Variants in TLL1 observed in about 807,000 individuals in gnomAD.
TLL1 encodes the protein tolloid-like protein 1.
In TLL1, 49 loss-of-function variants were observed where a neutral mutation model predicts 128.2. That is an observed-to-expected ratio of 0.38 (90% CI 0.30 to 0.48). The LOEUF (loss-of-function observed/expected upper bound fraction) is 0.48. TLL1 is among the 20% of genes least tolerant of loss of function. The pLI is 0.96. For missense variants in TLL1, 1,123 were observed against 1,242.0 expected (o/e 0.90, Z 1.44); for synonymous variants, 454 against 418.8 (o/e 1.08, Z -1.03).
intron 14 of TLL1, among the ~76,000 whole-genome samples, chr4:166,058,489 G>A (rs938849974): frequency 7.2e-5 from 11 of 152,074 alleles, no homozygotes; most frequent in South Asian, 4.2e-4. Context: ...TCTGCATTTC[G>A]TCTTTATGTT....
intron 16 of TLL1, among the ~76,000 whole-genome samples, chr4:166,066,518 A>G (rs908517955): frequency 4.6e-5 from 7 of 151,860 alleles, no homozygotes; most frequent in Non-Finnish European, 8.8e-5. Context: ...TAAAATTGCA[A>G]TAAACCTTAG....
At chr4:166,003,252 T>C in intron 5 of TLL1, 139 bp from the exon 6 acceptor site, 6 of 794,234 alleles carry the variant, frequency 7.6e-6, no homozygotes, top group South Asian at 7.3e-5. Flanking sequence ...ACTAGTCATA[T>C]GTAGTAATAA....
intron 18 of TLL1, among the ~76,000 whole-genome samples, chr4:166,084,765 G>A (rs556341672): frequency 9.5e-4 from 144 of 152,126 alleles, no homozygotes; most frequent in African/African-American, 3.1e-3. Flanking sequence ...CCAGTATTAC[G>A]CTGTTTCGGT....
chr4:165,964,038 G>C (rs920980303), intron 1 of TLL1, among the ~76,000 whole-genome samples: 14 of 152,062 alleles, frequency 9.2e-5, no homozygotes, highest in African/African-American at 3.4e-4. Flanking sequence ...GGCTACATTT[G>C]GCAGAGTCTC....
At chr4:165,884,107 C>T (rs1186626042) in intron 1 of TLL1, among the ~76,000 whole-genome samples, 1 of 152,134 alleles carries the variant, frequency 6.6e-6, no homozygotes, top group African/African-American at 2.4e-5. Context: ...AATTTTTGAA[C>T]ATTCTTATGA....
chr4:166,068,520 T>C (rs1016444372), intron 16 of TLL1, among the ~76,000 whole-genome samples: 1 of 151,812 alleles, frequency 6.6e-6, no homozygotes, highest in African/African-American at 2.4e-5. Context: ...ATTGAAGTTT[T>C]CTTAAATGCT....
chr4:165,975,205 A>G (rs962023974), intron 1 of TLL1, among the ~76,000 whole-genome samples: 5 of 152,178 alleles, frequency 3.3e-5, no homozygotes, highest in Non-Finnish European at 7.3e-5. Flanking sequence ...GAAGTCTTTC[A>G]GTGAACAGCC....
chr4:165,939,141 C>T (rs541821458), intron 1 of TLL1, among the ~76,000 whole-genome samples: 1 of 151,954 alleles, frequency 6.6e-6, no homozygotes, highest in African/African-American at 2.4e-5. Flanking sequence ...AACTTTGAGG[C>T]TTCATCGTAG....
chr4:166,022,030 C>G (rs1005705650), intron 8 of TLL1, among the ~76,000 whole-genome samples: 1 of 152,100 alleles, frequency 6.6e-6, no homozygotes, highest in Non-Finnish European at 1.5e-5. Context: ...CTTATTTAAA[C>G]ATAATTTTAA....
intron 1 of TLL1, among the ~76,000 whole-genome samples, chr4:165,986,386 A>G (rs1469887628): frequency 6.6e-6 from 1 of 152,030 alleles, no homozygotes; most frequent in Non-Finnish European, 1.5e-5. Context: ...GAAGAAAGAA[A>G]TGCATTTTAA....
In TLL1 at chr4:166,025,386, T is replaced by C. The variant is rs1407761692; in HGVS notation, c.1113T>C (p.Ser371=). ...SSPGFPNGYP[S]YTHCIWRVSV... is the part of the protein sequence containing the mutation. Reference sequence around the variant, plus strand: ...CAGGATTTCCCAATGGCTACCCTTCTTACACACACTGCATCTGGAGAGTTT... The same window carrying C: ...CAGGATTTCCCAATGGCTACCCTTCCTACACACACTGCATCTGGAGAGTTT... The change falls in exon 9 of 21, where the codon TCT becomes TCC. Residue 371 remains serine, a synonymous_variant. Transcript: ENST00000061240. 6.2e-7 allele frequency: 1 copy of C among 1,613,934 alleles called. No individual in the cohort carries two copies.
At chr4:166,050,857 C>T (rs929335446) in intron 12 of TLL1, among the ~76,000 whole-genome samples, 1 of 152,204 alleles carries the variant, frequency 6.6e-6, no homozygotes, top group Non-Finnish European at 1.5e-5. Flanking sequence ...CTTCATTCTG[C>T]ATTAAAGATA....
intron 18 of TLL1, among the ~76,000 whole-genome samples, chr4:166,086,543 T>G (rs1741524167): frequency 6.6e-6 from 1 of 152,126 alleles, no homozygotes; most frequent in Non-Finnish European, 1.5e-5. Flanking sequence ...CTGACTCAGC[T>G]GGGACAACCA....
intron 1 of TLL1, among the ~76,000 whole-genome samples, chr4:165,899,404 A>T (rs576744041): frequency 6.6e-6 from 1 of 152,232 alleles, no homozygotes; most frequent in Admixed American, 6.5e-5. Context: ...TGTGTCTTAG[A>T]GATTCTGGTA....
Position 166,060,126 on chromosome 4 carries a change from G to A in TLL1, c.1945G>A (p.Val649Ile), listed in dbSNP as rs1277845312. 6 of 1,613,748 alleles carry A rather than the reference G, an allele frequency of 3.7e-6. No homozygotes were observed. Among genetic ancestry groups the A allele is most frequent in the Middle Eastern group, 1.7e-4 (1 of 6,054 alleles). The change falls in exon 15 of 21, where the codon GTT becomes ATT. Residue 649 changes from valine to isoleucine, a missense_variant. Physicochemically the swap from Val to Ile is conservative, Grantham distance 29. This residue lies in a region of TLL1 where 634 missense variants were observed against 672.4 expected (regional missense o/e 0.94). Coordinates refer to ENST00000061240, the MANE Select transcript of TLL1 (RefSeq NM_012464.5). Reference protein sequence around the residue: ...PPNKNCVWQVVAPTQYRISVK... With the variant: ...PPNKNCVWQVIAPTQYRISVK... The stretch of plus-strand genomic sequence containing the variant: ...TAATAAGAACTGTGTGTGGCAAGTG[G>A]TTGCACCAACCCAGTACAGAATTTC...
intron 1 of TLL1, among the ~76,000 whole-genome samples, chr4:165,893,599 C>T (rs1459662523): frequency 3.3e-5 from 5 of 152,162 alleles, no homozygotes; most frequent in African/African-American, 1.2e-4. Context: ...AGATTTACCT[C>T]ACTACTGATT....
intron 9 of TLL1, chr4:166,030,983 G>A (rs1305132394): frequency 1.0e-6 from 1 of 963,742 alleles, no homozygotes; most frequent in African/African-American, 1.8e-5. Flanking sequence ...CATTTTTAAT[G>A]TACGATTTTG....
intron 11 of TLL1, 143 bp from the exon 12 acceptor site, chr4:166,043,131 A>T: frequency 9.7e-7 from 1 of 1,034,116 alleles, no homozygotes; most frequent in Admixed American, 1.9e-5. Context: ...TTGCTACATT[A>T]CAACCAGTCA....
chr4:166,096,216 T>G (rs1357701109), intron 19 of TLL1, among the ~76,000 whole-genome samples: 1 of 114,002 alleles, frequency 8.8e-6, no homozygotes, highest in African/African-American at 2.8e-5. Context: ...CATGGGTGTG[T>G]GTGTGTGTGT....
Sources: gnomAD v4.1 joint callset for allele counts (sites outside exome capture counted in the v4.1 genomes callset) on GRCh38, gnomAD v4.1.1 for gene constraint, gnomAD v4.1.1 regional missense constraint, MANE v1.5 for transcripts, NCBI Gene and HGNC (gene_info 2026-07-23, HGNC 2026-07-21) for gene names.